The following PCDHB1 variants were observed in gnomAD, a reference collection of about 807,000 sequenced individuals.
PCDHB1 encodes the protein protocadherin beta-1.
A neutral mutation model predicts 43.5 loss-of-function variants in PCDHB1; 44 were observed. That is an observed-to-expected ratio of 1.01 (90% confidence interval 0.79 to 1.30). PCDHB1 has a LOEUF of 1.30. Among genes scored for constraint, PCDHB1 ranks in the 50% most tolerant of loss-of-function variants. PCDHB1 has a pLI of 0.00. For synonymous variants in PCDHB1, 392 were observed against 400.8 expected (o/e 0.98, Z 0.26); for missense variants, 919 against 1,008.9 (o/e 0.91, Z 1.21).
chr5:141,052,514 G>A lies in PCDHB1; in HGVS notation c.1044G>A (p.Met348Ile). The A allele has an allele frequency of 6.2e-7, 1 of 1,614,112 alleles. No individual in the cohort carries two copies. The highest frequency in any genetic ancestry group is 8.5e-7 in the Non-Finnish European group (1 of 1,180,000). The change falls in exon 1 of 1, where the codon ATG becomes ATA. Residue 348 changes from methionine to isoleucine, a missense_variant. Coordinates refer to ENST00000306549, the MANE Select transcript of PCDHB1 (RefSeq NM_013340.4). Reference sequence around the variant, plus strand: ...TGAATGACAATCCTCCCGAAGTGATGGTCTCCTCTGTGTCCAGCCCACTCC... The same window carrying A: ...TGAATGACAATCCTCCCGAAGTGATAGTCTCCTCTGTGTCCAGCCCACTCC... Reference protein sequence around the residue: ...VDVNDNPPEVMVSSVSSPLPE... With the variant: ...VDVNDNPPEVIVSSVSSPLPE...
Position 141,052,976 on chromosome 5 carries a change from T to C in PCDHB1, c.1506T>C (p.Phe502=). ...LPPKNGDLSV[F]AYISINSGNG... ...CAAAAAACGGAGATCTTTCAGTCTT[T>C]GCTTACATATCCATAAATTCAGGCA... is the stretch of plus-strand genomic sequence containing the variant. The change falls in exon 1 of 1, where the codon TTT becomes TTC. Residue 502 remains phenylalanine, a synonymous_variant. Coordinates refer to ENST00000306549, the MANE Select transcript of PCDHB1 (RefSeq NM_013340.4). 2 of 1,614,204 alleles carry C rather than the reference T, an allele frequency of 1.2e-6. No homozygotes were observed. The highest frequency in any genetic ancestry group is 1.7e-6 in the Non-Finnish European group (2 of 1,180,038).
In PCDHB1 at chr5:141,053,160, T is replaced by C. The variant is rs1180578197; in HGVS notation, c.1690T>C (p.Tyr564His). ...CAATGACAATCGTCCAATGATCTTA[T>C]ACCCACTGCAGAACGGCACCTTGCC... ...DDNDNRPMIL[Y>H]PLQNGTLPCN... The change falls in exon 1 of 1, where the codon TAC becomes CAC. Residue 564 changes from tyrosine (Y) to histidine (H), a missense_variant. Tyr to His is a moderately conservative substitution (Grantham distance 83). Coordinates refer to ENST00000306549, the MANE Select transcript of PCDHB1 (RefSeq NM_013340.4). The C allele has an allele frequency of 1.2e-6, 2 of 1,614,198 alleles. No homozygotes were observed. The highest frequency in any genetic ancestry group is 1.7e-6 in the Non-Finnish European group (2 of 1,180,034).
Position 141,053,646 on chromosome 5 carries a change from A to G in PCDHB1, c.2176A>G (p.Ile726Val). The G allele has an allele frequency of 6.2e-7, 1 of 1,614,184 alleles. No homozygotes were observed. The highest frequency in any genetic ancestry group is 8.5e-7 in the Non-Finnish European group (1 of 1,179,998). Residue 726 changes from isoleucine (I) to valine (V), a missense_variant, in exon 1 of 1, where the codon ATT (isoleucine) becomes GTT (valine). Coordinates refer to ENST00000306549, the MANE Select transcript of PCDHB1 (RefSeq NM_013340.4). ...GATTAAATATAGAGAAAAGTTCACA[A>G]TTCAAGAGCATTTCTATGATGACTG... The part of the protein sequence containing the change: ...QKIKYREKFT[I>V]QEHFYDDCNF...
Position 141,053,764 on chromosome 5 carries a change from A to G in PCDHB1, c.2294A>G (p.Asn765Ser). 2 of 1,614,216 alleles carry G rather than the reference A, an allele frequency of 1.2e-6. No homozygotes were observed. The highest frequency in any genetic ancestry group is 1.7e-6 in the Non-Finnish European group (2 of 1,180,018). Reference sequence around the variant, plus strand: ...ATGTGTTCAGCCACTGGCACTGGTAATAGTGAGTTTCGCTTTCTTAAGCGT... The same window carrying G: ...ATGTGTTCAGCCACTGGCACTGGTAGTAGTGAGTTTCGCTTTCTTAAGCGT... Reference protein sequence around the residue: ...YEMCSATGTGNSEFRFLKRFM... With the variant: ...YEMCSATGTGSSEFRFLKRFM... The change falls in exon 1 of 1, where the codon AAT becomes AGT. Residue 765 changes from asparagine (N) to serine (S), a missense_variant. Physicochemically the swap from Asn to Ser is conservative, Grantham distance 46. Coordinates refer to ENST00000306549, the MANE Select transcript of PCDHB1 (RefSeq NM_013340.4).
chr5:141,052,003 T>C lies in PCDHB1; in HGVS notation c.533T>C (p.Phe178Ser), dbSNP rs782809746. 8 of 1,614,044 alleles carry C rather than the reference T, an allele frequency of 5.0e-6. No homozygotes were observed. Among genetic ancestry groups the C allele is most frequent in the Middle Eastern group, 3.3e-4 (2 of 6,084 alleles). ...TACACCCTGAGTGCCAATGGGTATT[T>C]CCACCTGCACACCCGCTTCTGCAGC... ...QNYTLSANGY[F>S]HLHTRFCSHG... Residue 178 changes from phenylalanine (F) to serine (S), a missense_variant, in exon 1 of 1, where the codon TTC becomes TCC. Phe to Ser is a radical substitution (Grantham distance 155). Coordinates refer to ENST00000306549, the MANE Select transcript of PCDHB1 (RefSeq NM_013340.4).
Position 141,052,060 on chromosome 5 carries a change from A to G in PCDHB1, c.590A>G (p.Asn197Ser), listed in dbSNP as rs1750990369. ...CCTAAATATGCTGAGCTGGTGCTGA[A>G]CAAACCCCTGGACCGAGAGGAGCAG... The part of the protein sequence containing the change: ...HGPKYAELVL[N>S]KPLDREEQPE... The change falls in exon 1 of 1, where the codon AAC (asparagine) becomes AGC (serine). Residue 197 changes from asparagine to serine, a missense_variant. Transcript: ENST00000306549. 1.9e-6 allele frequency: 3 copies of G among 1,614,180 alleles called. No individual in the cohort carries two copies. The Middle Eastern group carries it at 4.9e-4, about 266-fold the overall frequency.
rs782400841 is a variant in PCDHB1, at chr5:141,051,685, A to G, written c.215A>G (p.Lys72Arg). ...RGARLVSEGN[K>R]MHFRLHRKTG... ...GCGCGGCTGGTTTCCGAGGGCAACA[A>G]AATGCATTTCCGGCTCCACCGCAAG... The change falls in exon 1 of 1, where the codon AAA becomes AGA. Residue 72 changes from lysine (K) to arginine (R), a missense_variant. By Grantham distance (26) the Lys-to-Arg change is conservative. Transcript: ENST00000306549. 8.1e-6 allele frequency: 13 copies of G among 1,614,040 alleles called. No homozygotes were observed. The highest frequency in any genetic ancestry group is 1.3e-5 in the African/African-American group (1 of 74,928).
At position 141,054,089 on chromosome 5, in the gene PCDHB1, G is replaced by C; in HGVS notation, c.*162G>C. On this transcript the variant is annotated 3_prime_UTR_variant, in exon 1 of 1. Transcript: ENST00000306549. ...AATGGGAAACCTAGAGTGAGGCTAG[G>C]CTTACTCAATACAAAGCAGTTATCC... 1 of 611,748 alleles carries C rather than the reference G, an allele frequency of 1.6e-6. No individual in the cohort carries two copies. The highest frequency in any genetic ancestry group is 2.8e-6 in the Non-Finnish European group (1 of 350,982). 37.9% of individuals were successfully genotyped at this position (611,748 alleles called of 1,614,324 possible).
Position 141,053,344 on chromosome 5 carries a change from T to C in PCDHB1, c.1874T>C (p.Ile625Thr). Residue 625 changes from isoleucine to threonine, a missense_variant, in exon 1 of 1, where the codon ATC becomes ACC. Physicochemically the swap from Ile to Thr is moderately conservative, Grantham distance 89. Coordinates refer to ENST00000306549, the MANE Select transcript of PCDHB1 (RefSeq NM_013340.4). Reference protein sequence around the residue: ...LFSVQRQNGEIHTLRQISERD... With the variant: ...LFSVQRQNGETHTLRQISERD... ...TCTGTTCAAAGACAAAATGGAGAAA[T>C]CCATACATTAAGGCAGATATCTGAG... 1.2e-6 allele frequency: 2 copies of C among 1,614,128 alleles called. No homozygotes were observed. The highest frequency in any genetic ancestry group is 1.7e-6 in the Non-Finnish European group (2 of 1,180,024).
rs1751130581 is a variant in PCDHB1, at chr5:141,056,211, A to G, written c.*2284A>G. The stretch of plus-strand genomic sequence containing the variant: ...TTTAAAATACTTCTTAAATATACCA[A>G]ATCATGTTTATTGATACAAACTTCA... On this transcript the variant is annotated 3_prime_UTR_variant, in exon 1 of 1. Transcript: ENST00000306549. 6.6e-6 allele frequency: 1 copy of G among 152,198 alleles called. No homozygotes were observed. The highest frequency in any genetic ancestry group is 2.1e-4 in the South Asian group (1 of 4,830). 9.4% of individuals were successfully genotyped at this position (152,198 alleles called of 1,614,324 possible). A position where few individuals can be genotyped will look rare whatever the true frequency, so the allele number is the denominator to read the frequency against.
Position 141,053,017 on chromosome 5 carries a change from C to T in PCDHB1, c.1547C>T (p.Ala516Val), listed in dbSNP as rs116101801. The change falls in exon 1 of 1, where the codon GCG (alanine) becomes GTG (valine). Residue 516 changes from alanine to valine, a missense_variant. Physicochemically the swap from Ala to Val is moderately conservative, Grantham distance 64 (BLOSUM62 0). Coordinates refer to ENST00000306549, the MANE Select transcript of PCDHB1 (RefSeq NM_013340.4). ...AATTCAGGCAATGGGAAGCTCTACG[C>T]GCTGAGAACCATGGATTATGAGGCC... ...SINSGNGKLY[A>V]LRTMDYEAIQ... 3.7e-5 allele frequency: 60 copies of T among 1,614,162 alleles called. No individual in the cohort carries two copies. Among genetic ancestry groups the T allele is most frequent in the Non-Finnish European group, 4.9e-5 (58 of 1,180,034 alleles).
In PCDHB1 at chr5:141,052,595, C is replaced by T. The variant is rs1554267277; in HGVS notation, c.1125C>T (p.Asp375=). 1.2e-6 allele frequency: 2 copies of T among 1,614,148 alleles called. No individual in the cohort carries two copies. Among genetic ancestry groups the T allele is most frequent in the South Asian group, 1.1e-5 (1 of 91,084 alleles). Residue 375 remains aspartate, a synonymous_variant, in exon 1 of 1, where the codon GAC becomes GAT. Coordinates refer to ENST00000306549, the MANE Select transcript of PCDHB1 (RefSeq NM_013340.4). ...CCCTTTTCACTATCAGAGACCGGGA[C>T]ATTCGAGTGGGAGGAAAAGTCACCT... ...VVALFTIRDR[D]IRVGGKVTCF...
In PCDHB1 at chr5:141,054,591, G is replaced by T. The variant is rs1751082484; in HGVS notation, c.*664G>T. ...GGGAGGAAGGGTGGAGAAAGAAAAG[G>T]ATTTCACTTATTTGCAAATGTGAAT... On this transcript the variant is annotated 3_prime_UTR_variant, in exon 1 of 1. Transcript: ENST00000306549. 6.6e-6 allele frequency: 1 copy of T among 151,710 alleles called. No homozygotes were observed. The highest frequency in any genetic ancestry group is 1.5e-5 in the Non-Finnish European group (1 of 67,978). The allele number at this position is 151,710 out of a possible 1,614,324, so 9.4% of individuals were successfully genotyped here. A position where few individuals can be genotyped will look rare whatever the true frequency, so the allele number is the denominator to read the frequency against.
rs1554267818 is a variant in PCDHB1 at position 141,056,325 on chromosome 5, T to C, written c.*2398T>C. On this transcript the variant is annotated 3_prime_UTR_variant, in exon 1 of 1. Coordinates refer to ENST00000306549, the MANE Select transcript of PCDHB1 (RefSeq NM_013340.4). Reference sequence around the variant, plus strand: ...ACACTAAAATTTAGTGCTGTTATTTTTTAGATGTTAGAGATGCTTAGGGCA... The same window carrying C: ...ACACTAAAATTTAGTGCTGTTATTTCTTAGATGTTAGAGATGCTTAGGGCA... The C allele has an allele frequency of 2.0e-5, 3 of 152,194 alleles. 1 individual carries two copies. Among genetic ancestry groups the C allele is most frequent in the Non-Finnish European group, 4.4e-5 (3 of 68,024 alleles). 9.4% of individuals were successfully genotyped at this position (152,194 alleles called of 1,614,324 possible).
rs1750968103 is a variant in PCDHB1 at position 141,051,561 on chromosome 5, A to C, written c.91A>C (p.Ile31Leu). 6.2e-7 allele frequency: 1 copy of C among 1,614,110 alleles called. No homozygotes were observed. The highest frequency in any genetic ancestry group is 8.5e-7 in the Non-Finnish European group (1 of 1,180,054). Reference sequence around the variant, plus strand: ...CATATCTGTGGGGGATGCGACAACTATCCGCTATTCAGTGGCAGAGGAAAT... The same window carrying C: ...CATATCTGTGGGGGATGCGACAACTCTCCGCTATTCAGTGGCAGAGGAAAT... ...LCISVGDATT[I>L]RYSVAEEMES... The change falls in exon 1 of 1, where the codon ATC becomes CTC. Residue 31 changes from isoleucine to leucine, a missense_variant. Ile to Leu is a conservative substitution (Grantham distance 5). Coordinates refer to ENST00000306549, the MANE Select transcript of PCDHB1 (RefSeq NM_013340.4).
rs376473997 is a variant in PCDHB1, at chr5:141,051,843, G to T, written c.373G>T (p.Asp125Tyr). 3.7e-4 allele frequency: 604 copies of T among 1,614,066 alleles called. 1 individual carries two copies. The highest frequency in any genetic ancestry group is 4.7e-4 in the Non-Finnish European group (560 of 1,180,036). ...QSFRAEVRVF[D>Y]INDNAPVFLN... is the part of the protein sequence containing the mutation. The stretch of plus-strand genomic sequence containing the variant: ...CTTCCGGGCCGAGGTCAGGGTATTT[G>T]ATATCAATGACAATGCCCCAGTTTT... The change falls in exon 1 of 1, where the codon GAT becomes TAT. Residue 125 changes from aspartate to tyrosine, a missense_variant. Asp to Tyr is a radical substitution (Grantham distance 160, BLOSUM62 -3). Coordinates refer to ENST00000306549, the MANE Select transcript of PCDHB1 (RefSeq NM_013340.4).
Position 141,052,313 on chromosome 5 carries a change from A to G in PCDHB1, c.843A>G (p.Leu281=). The change falls in exon 1 of 1, where the codon TTA becomes TTG. Residue 281 remains leucine (L), a synonymous_variant. Coordinates refer to ENST00000306549, the MANE Select transcript of PCDHB1 (RefSeq NM_013340.4). ...EGTNKAITYS[L]AQNPEAILKT... ...CCAACAAAGCGATAACTTACTCTTT[A>G]GCTCAAAACCCAGAAGCAATTCTCA... The G allele has an allele frequency of 6.2e-7, 1 of 1,614,226 alleles. No homozygotes were observed. Among genetic ancestry groups the G allele is most frequent in the Non-Finnish European group, 8.5e-7 (1 of 1,180,046 alleles).
Position 141,052,817 on chromosome 5 carries a change from TC to T in PCDHB1, c.1349del (p.Pro450GlnfsTer10). The T allele has an allele frequency of 6.2e-7, 1 of 1,614,150 alleles. No individual in the cohort carries two copies. Among genetic ancestry groups the T allele is most frequent in the Non-Finnish European group, 8.5e-7 (1 of 1,180,032 alleles). ...VLISDVNDNP[P>X]IFREDSYILT... ...TAATATCCGACGTTAATGACAATCC[TC>T]CAATATTTCGGGAAGATTCCTATAT... On this transcript the variant is annotated frameshift_variant, in exon 1 of 1. Coordinates refer to ENST00000306549, the MANE Select transcript of PCDHB1 (RefSeq NM_013340.4). LOFTEE classifies it high-confidence loss of function.
At position 141,054,141 on chromosome 5, in the gene PCDHB1, C is replaced by T; in HGVS notation, c.*214C>T. On this transcript the variant is annotated 3_prime_UTR_variant, in exon 1 of 1. Transcript: ENST00000306549. ...GATCCCCAGATCATATATCTATAAC[C>T]CTTTCTCCAGTTGGAATTCTGTTTA... 2.1e-6 allele frequency: 1 copy of T among 479,844 alleles called. No homozygotes were observed. Among genetic ancestry groups the T allele is most frequent in the Non-Finnish European group, 3.7e-6 (1 of 272,128 alleles). 29.7% of individuals were successfully genotyped at this position (479,844 alleles called of 1,614,324 possible).
Sources: allele counts gnomAD v4.1 joint callset, GRCh38; gene constraint gnomAD v4.1.1; transcripts MANE v1.5; gene names NCBI Gene and HGNC (gene_info 2026-07-23, HGNC 2026-07-21).